NR5A2: variants seen among roughly 807,000 people sequenced by gnomAD.
The protein encoded by NR5A2 is nuclear receptor subfamily 5 group A member 2.
A neutral mutation model predicts 62.7 loss-of-function variants in NR5A2; 26 were observed. That is an observed-to-expected ratio of 0.41 (90% confidence interval 0.30 to 0.58). The LOEUF (loss-of-function observed/expected upper bound fraction) is 0.58, where lower values mean the gene tolerates loss of function less well. Ranked by LOEUF, NR5A2 falls within the 20% of genes least tolerant of loss-of-function variation. The pLI, the probability that NR5A2 is intolerant of heterozygous loss-of-function variation, is 0.22. For synonymous variants in NR5A2, 246 were observed against 241.7 expected, an observed-to-expected ratio of 1.02 and a Z score of -0.16; for missense variants, 541 against 669.1, an observed-to-expected ratio of 0.81 and a Z score of 2.11.
intron 7 of NR5A2, among the ~76,000 whole-genome samples, chr1:200,129,748 T>C (rs1178174226): frequency 6.6e-6 from 1 of 152,344 alleles, no homozygotes; most frequent in Admixed American, 6.5e-5. Flanking sequence ...GGGGTTTTTC[T>C]GCCACTTCCT....
At position 200,048,241 on chromosome 1, in the gene NR5A2, T is replaced by C. The variant is rs1558103553; in HGVS notation, c.533T>C (p.Leu178Pro). The change falls in exon 5 of 8, where the codon CTG becomes CCG. Residue 178 changes from leucine to proline, a missense_variant. Physicochemically the swap from Leu to Pro is moderately conservative, Grantham distance 98. Coordinates refer to ENST00000367362, the MANE Select transcript of NR5A2 (RefSeq NM_205860.3). The surrounding 1 kb of genome is among the most constrained non-coding windows in gnomAD (Gnocchi z 4.8). The part of the protein sequence containing the change: ...FGPMYKRDRA[L>P]KQQKKALIRA... ...CCAATGTACAAGAGAGACAGGGCCC[T>C]GAAGCAACAGAAAAAAGCCCTCATC... 6.2e-7 allele frequency: 1 copy of C among 1,612,876 alleles called. No homozygotes were observed. Among genetic ancestry groups the C allele is most frequent in the Non-Finnish European group, 8.5e-7 (1 of 1,179,342 alleles).
intron 1 of NR5A2, among the ~76,000 whole-genome samples, 182 bp downstream of exon 1, chr1:200,028,093 A>G (rs1204318106): frequency 6.6e-6 from 1 of 152,216 alleles, no homozygotes; most frequent in Non-Finnish European, 1.5e-5. Context: ...AAAAAAGCAA[A>G]TGGATATTTC....
At chr1:200,033,263 G>A (rs1661610316) in intron 1 of NR5A2, among the ~76,000 whole-genome samples, 1 of 152,192 alleles carries the variant, frequency 6.6e-6, no homozygotes, top group Non-Finnish European at 1.5e-5. Flanking sequence ...GAAATTCAGA[G>A]CATGTACTTG....
At chr1:200,084,865 G>T (rs1424448739) in intron 5 of NR5A2, among the ~76,000 whole-genome samples, 1 of 152,194 alleles carries the variant, frequency 6.6e-6, no homozygotes, top group Non-Finnish European at 1.5e-5. Flanking sequence ...ATCAAAGGAG[G>T]ATCAGGTTTT....
At chr1:200,172,108 C>G (rs1043039691) in intron 7 of NR5A2, among the ~76,000 whole-genome samples, 1 of 152,030 alleles carries the variant, frequency 6.6e-6, no homozygotes, top group Non-Finnish European at 1.5e-5. Flanking sequence ...TTCACTGTAG[C>G]GTAAAATAAT....
chr1:200,127,693 A>ATATACATATATATATAT (rs1267555289), intron 7 of NR5A2, among the ~76,000 whole-genome samples: 1 of 74,596 alleles, frequency 1.3e-5, no homozygotes, highest in Non-Finnish European at 2.8e-5. Flanking sequence ...AAAAAAAAAA[A>ATATACATATATATATAT]AAAAAAAAAA....
intron 5 of NR5A2, among the ~76,000 whole-genome samples, chr1:200,070,360 T>G (rs1162191111): frequency 6.6e-6 from 1 of 152,110 alleles, no homozygotes; most frequent in Admixed American, 6.6e-5. Flanking sequence ...GGATTTTTAT[T>G]TTTAAATCAT....
At chr1:200,087,902 C>G in intron 5 of NR5A2, among the ~76,000 whole-genome samples, 1 of 151,964 alleles carries the variant, frequency 6.6e-6, no homozygotes, top group Non-Finnish European at 1.5e-5. Flanking sequence ...CAGGCACCCA[C>G]CATCATGCTC....
intron 7 of NR5A2, among the ~76,000 whole-genome samples, chr1:200,145,024 A>G (rs1667620700): frequency 1.3e-5 from 2 of 152,132 alleles, no homozygotes; most frequent in Non-Finnish European, 2.9e-5. Context: ...AAAAATATTC[A>G]GAACTGGGCG....
Position 200,048,850 on chromosome 1 carries a change from C to T in NR5A2, c.1110+32C>T. 1 of 1,608,288 alleles carries T rather than the reference C, an allele frequency of 6.2e-7. No homozygotes were observed. Among genetic ancestry groups the T allele is most frequent in the Non-Finnish European group, 8.5e-7 (1 of 1,175,584 alleles). On this transcript the variant is annotated intron_variant, in intron 5 of 7. Transcript: ENST00000367362. The surrounding 1 kb of genome is among the most constrained non-coding windows in gnomAD (Gnocchi z 4.8). Reference sequence around the variant, plus strand: ...CACCAGCTATTACAACTTACAGCACCCCTTTTAAGAGAGACCTAACTATGT... The same window carrying T: ...CACCAGCTATTACAACTTACAGCACTCCTTTTAAGAGAGACCTAACTATGT...
chr1:200,174,178 C>A lies in NR5A2; in HGVS notation c.1594C>A (p.Leu532Ile). The part of the protein sequence containing the change: ...LNGDVPYNNL[L>I]IEMLHAKRA ...CGGGGATGTGCCCTATAATAACCTT[C>A]TCATTGAAATGTTGCATGCCAAAAG... Residue 532 changes from leucine (L) to isoleucine (I), a missense_variant, in exon 8 of 8, where the codon CTC becomes ATC. This residue lies in a region of NR5A2 where 379 missense variants were observed against 442.0 expected (regional missense o/e 0.86). Coordinates refer to ENST00000367362, the MANE Select transcript of NR5A2 (RefSeq NM_205860.3). 1 of 1,606,618 alleles carries A rather than the reference C, an allele frequency of 6.2e-7. No individual in the cohort carries two copies. Among genetic ancestry groups the A allele is most frequent in the East Asian group, 2.2e-5 (1 of 44,636 alleles).
chr1:200,172,601 G>A (rs2102398652), intron 7 of NR5A2, among the ~76,000 whole-genome samples: 2 of 152,314 alleles, frequency 1.3e-5, no homozygotes, highest in South Asian at 4.1e-4. Flanking sequence ...GGGATGGAAA[G>A]GGGAAGCATG....
chr1:200,038,620 T>A, intron 1 of NR5A2: 1 of 931,800 alleles, frequency 1.1e-6, no homozygotes, highest in Non-Finnish European at 1.6e-6. Context: ...GGTGTTTAAC[T>A]CCCTTCATCT....
intron 5 of NR5A2, among the ~76,000 whole-genome samples, chr1:200,069,879 C>CAT (rs34105738): frequency 0.49 from 75,057 of 151,740 alleles, 18,578 homozygotes; most frequent in African/African-American, 0.54. Flanking sequence ...CAATATTACA[C>CAT]GTGTCCATGA....
intron 7 of NR5A2, among the ~76,000 whole-genome samples, chr1:200,163,491 T>C (rs980514326): frequency 1.3e-5 from 2 of 151,356 alleles, no homozygotes; most frequent in Non-Finnish European, 3.0e-5. Flanking sequence ...TTATTGTTTT[T>C]TTTTTTTTGA....
chr1:200,143,045 A>ATG (rs59372153), intron 7 of NR5A2, among the ~76,000 whole-genome samples: 3,551 of 150,706 alleles, frequency 0.024, 113 homozygotes, highest in African/African-American at 0.069. Flanking sequence ...GTGTGTGTGT[A>ATG]TGTGTGTGTG....
chr1:200,082,129 A>G (rs1306786530), intron 5 of NR5A2, among the ~76,000 whole-genome samples: 1 of 152,162 alleles, frequency 6.6e-6, no homozygotes, highest in Non-Finnish European at 1.5e-5. Context: ...CAGCATTCTC[A>G]TTGGAGGGAA....
At chr1:200,040,669 T>C (rs1356176145) in intron 2 of NR5A2, among the ~76,000 whole-genome samples, 1 of 152,214 alleles carries the variant, frequency 6.6e-6, no homozygotes, top group Non-Finnish European at 1.5e-5. Context: ...CCTTCCAGGG[T>C]GCAGGATGTG....
intron 7 of NR5A2, among the ~76,000 whole-genome samples, chr1:200,169,756 G>A (rs1211615654): frequency 6.6e-6 from 1 of 152,182 alleles, no homozygotes; most frequent in Non-Finnish European, 1.5e-5. Flanking sequence ...ATAGAGAAAG[G>A]GTTGGGGATG....
Sources: allele counts gnomAD v4.1 joint callset (sites outside exome capture counted in the v4.1 genomes callset), GRCh38; gene constraint gnomAD v4.1.1; regional missense constraint gnomAD v4.1.1; non-coding constraint Gnocchi (gnomAD v3.1); transcripts MANE v1.5; gene names NCBI Gene and HGNC (gene_info 2026-07-23, HGNC 2026-07-21).